Variants in LIPC observed in about 807,000 individuals in gnomAD.
LIPC encodes the protein hepatic triacylglycerol lipase.
Under a neutral mutation model 50.7 loss-of-function variants are expected in LIPC, and 44 were observed. The observed-to-expected ratio is 0.87, with a 90% CI of 0.68 to 1.11. The LOEUF (loss-of-function observed/expected upper bound fraction) is 1.11. LIPC is among the 50% of genes most tolerant of loss of function. LIPC has a pLI of 0.00. For synonymous variants in LIPC, 271 were observed against 256.4 expected (o/e 1.06, Z -0.54); for missense variants, 697 against 648.2 (o/e 1.08, Z -0.82).
At chr15:58,564,254 C>T (rs1339367657) in intron 8 of LIPC, among the ~76,000 whole-genome samples, 2 of 151,828 alleles carry the variant, frequency 1.3e-5, no homozygotes, top group African/African-American at 4.8e-5. Context: ...TGGACCTACC[C>T]GCAGATTCAT....
At chr15:58,442,075 A>C (rs1267502251) in intron 1 of LIPC, among the ~76,000 whole-genome samples, 1 of 152,124 alleles carries the variant, frequency 6.6e-6, no homozygotes, top group African/African-American at 2.4e-5. Context: ...GAGGTCTCTT[A>C]ATACCTATGC....
intron 6 of LIPC, among the ~76,000 whole-genome samples, chr15:58,551,963 A>T (rs1413037146): frequency 6.6e-6 from 1 of 152,236 alleles, no homozygotes; most frequent in Non-Finnish European, 1.5e-5. Context: ...CAGTAGCAAG[A>T]GAGAATTGGG....
At chr15:58,507,769 G>T (rs1445427166) in intron 1 of LIPC, among the ~76,000 whole-genome samples, 1 of 152,216 alleles carries the variant, frequency 6.6e-6, no homozygotes, top group Non-Finnish European at 1.5e-5. Context: ...AGAAGAAAAG[G>T]CATACGAATT....
At chr15:58,472,120 A>C (rs1181731071) in intron 1 of LIPC, among the ~76,000 whole-genome samples, 1 of 151,676 alleles carries the variant, frequency 6.6e-6, no homozygotes, top group Non-Finnish European at 1.5e-5. Flanking sequence ...AAATACAAAA[A>C]ATTAGCCAGG....
chr15:58,524,841 T>C (rs1180553307), intron 1 of LIPC, among the ~76,000 whole-genome samples: 1 of 152,202 alleles, frequency 6.6e-6, no homozygotes, highest in Non-Finnish European at 1.5e-5. Context: ...GTTGCAATTA[T>C]TTTTTCTCAC....
At chr15:58,482,432 T>C (rs1891217952) in intron 1 of LIPC, among the ~76,000 whole-genome samples, 1 of 152,158 alleles carries the variant, frequency 6.6e-6, no homozygotes, top group Non-Finnish European at 1.5e-5. Context: ...AAGAGTTCCT[T>C]GGGCTTTGGA....
At chr15:58,482,019 G>C (rs566989535) in intron 1 of LIPC, among the ~76,000 whole-genome samples, 1 of 152,204 alleles carries the variant, frequency 6.6e-6, no homozygotes, top group Admixed American at 6.5e-5. Flanking sequence ...GTCAGAAGCA[G>C]GAGGAGACTT....
Position 58,548,383 on chromosome 15 carries a change from G to C in LIPC, c.862G>C (p.Asp288His), listed in dbSNP as rs761575901. 1.2e-6 allele frequency: 2 copies of C among 1,613,936 alleles called. No individual in the cohort carries two copies. The highest frequency in any genetic ancestry group is 2.7e-5 in the African/African-American group (2 of 74,898). Residue 288 changes from aspartate (D) to histidine (H), a missense_variant, in exon 6 of 9, where the codon GAC becomes CAC. By Grantham distance (81) the Asp-to-His change is moderately conservative (BLOSUM62 -1). Coordinates refer to ENST00000299022, the MANE Select transcript of LIPC (RefSeq NM_000236.3). ...SHERSVHLFI[D>H]SLLHAGTQSM... Reference sequence around the variant, plus strand: ...CGAGCGATCGGTGCACCTTTTCATCGACTCCTTGCTGCACGCCGGCACGCA... The same window carrying C: ...CGAGCGATCGGTGCACCTTTTCATCCACTCCTTGCTGCACGCCGGCACGCA...
At chr15:58,432,368 G>A in intron 1 of LIPC, 1 of 545,278 alleles carries the variant, frequency 1.8e-6, no homozygotes, top group Non-Finnish European at 3.3e-6. Context: ...GAAGTCTCTT[G>A]CGTATCTGAT....
intron 1 of LIPC, among the ~76,000 whole-genome samples, chr15:58,536,008 T>C (rs371814469): frequency 8.5e-5 from 13 of 152,290 alleles, no homozygotes; most frequent in Middle Eastern, 3.4e-3. Context: ...GCACCCACCA[T>C]TGTGCCCAGG....
intron 1 of LIPC, among the ~76,000 whole-genome samples, chr15:58,440,411 A>G (rs543307656): frequency 1.4e-4 from 22 of 152,358 alleles, no homozygotes; most frequent in Non-Finnish European, 4.4e-5. Context: ...AAGAGAAACT[A>G]AAGTGGTAAG....
At position 58,541,965 on chromosome 15, in the gene LIPC, G is replaced by A; in HGVS notation, c.454G>A (p.Glu152Lys). Reference protein sequence around the residue: ...KEVAALLRWLEESVQLSRSHV... With the variant: ...KEVAALLRWLKESVQLSRSHV... ...GGTCGCGGCTCTTCTCCGGTGGCTGGAGGTACCGACCTGCCCCATCCTTCC... is the reference window on the plus strand; with the variant it reads ...GGTCGCGGCTCTTCTCCGGTGGCTGAAGGTACCGACCTGCCCCATCCTTCC... The change falls in exon 3 of 9, where the codon GAG (glutamate) becomes AAG (lysine). Residue 152 changes from glutamate (E) to lysine (K), a missense_variant and splice_region_variant. Glu to Lys is a moderately conservative substitution (Grantham distance 56, BLOSUM62 1). Coordinates refer to ENST00000299022, the MANE Select transcript of LIPC (RefSeq NM_000236.3). The A allele has an allele frequency of 6.2e-7, 1 of 1,607,222 alleles. No individual in the cohort carries two copies. Among genetic ancestry groups the A allele is most frequent in the South Asian group, 1.1e-5 (1 of 89,934 alleles).
chr15:58,524,694 T>G (rs1221247223), intron 1 of LIPC, among the ~76,000 whole-genome samples: 2 of 152,210 alleles, frequency 1.3e-5, no homozygotes, highest in Non-Finnish European at 2.9e-5. Context: ...CAAAGGGCCA[T>G]TCATATTCCT....
intron 1 of LIPC, among the ~76,000 whole-genome samples, chr15:58,517,499 A>T (rs1892520406): frequency 6.6e-6 from 1 of 152,280 alleles, no homozygotes; most frequent in Non-Finnish European, 1.5e-5. Context: ...AGGTCTCACA[A>T]GCATTTAAAA....
rs115866876 is a variant in LIPC at position 58,484,220 on chromosome 15, T to C, written c.88+52100T>C. ...TTTCACCTCCACCTCTTCTGCATCA[T>C]ACATTGTTTATTTTCACCTCATTAT... is the stretch of plus-strand genomic sequence containing the variant. On this transcript the variant is annotated intron_variant, in intron 1 of 8. Transcript: ENST00000299022. Among the ~76,000 whole-genome samples the C allele has an allele frequency of 7.0e-3, 1,067 of 152,344 alleles. 15 individuals are homozygous for C. The highest frequency in any genetic ancestry group is 0.025 in the African/African-American group (1,022 of 41,572).
intron 1 of LIPC, among the ~76,000 whole-genome samples, chr15:58,437,645 C>T (rs1307462722): frequency 6.6e-6 from 1 of 152,082 alleles, no homozygotes; most frequent in Non-Finnish European, 1.5e-5. Flanking sequence ...CACCAGCACC[C>T]AACTTTGCAG....
intron 1 of LIPC, chr15:58,494,961 C>T: frequency 4.5e-6 from 2 of 441,540 alleles, no homozygotes; most frequent in Admixed American, 4.9e-5. Flanking sequence ...AACACCCAGC[C>T]CTCATGTCAT....
At chr15:58,481,307 C>A (rs1324186578) in intron 1 of LIPC, among the ~76,000 whole-genome samples, 2 of 152,054 alleles carry the variant, frequency 1.3e-5, no homozygotes, top group Non-Finnish European at 2.9e-5. Flanking sequence ...TTAAAAAAAC[C>A]ATAAATGTCC....
At chr15:58,451,983 G>C (rs1249432674) in intron 1 of LIPC, among the ~76,000 whole-genome samples, 1 of 152,192 alleles carries the variant, frequency 6.6e-6, no homozygotes, top group African/African-American at 2.4e-5. Flanking sequence ...TAACACACTG[G>C]AGAACCAACA....
Sources: gnomAD v4.1 joint callset for allele counts (sites outside exome capture counted in the v4.1 genomes callset) on GRCh38, gnomAD v4.1.1 for gene constraint, MANE v1.5 for transcripts, NCBI Gene and HGNC (gene_info 2026-07-23, HGNC 2026-07-21) for gene names.